The following MMRN1 variants were observed in gnomAD, a reference collection of about 807,000 sequenced individuals.
MMRN1 encodes the protein multimerin-1.
MMRN1 carries 94 observed loss-of-function variants against 100.7 expected under a neutral mutation model. The ratio of observed to expected loss-of-function variants is 0.93; its 90% CI spans 0.79 to 1.11. The LOEUF is 1.11. MMRN1 is among the 50% of genes least tolerant of loss of function. MMRN1 has a pLI of 0.00. For synonymous variants in MMRN1, 575 were observed against 505.0 expected, an observed-to-expected ratio of 1.14 and a Z score of -1.86; for missense variants, 1,606 against 1,439.1, an observed-to-expected ratio of 1.12 and a Z score of -1.88.
chr4:89,909,500 C>A, intron 2 of MMRN1, 105 bp downstream of exon 2: 2 of 1,380,848 alleles, frequency 1.4e-6, no homozygotes, highest in South Asian at 2.7e-5. Flanking sequence ...ATAGTAGGGT[C>A]AGGGGATGGT....
rs548307929 is a variant in MMRN1, at chr4:89,942,688, C to T, written c.3118+5890C>T. Among the ~76,000 whole-genome samples the T allele has an allele frequency of 2.0e-5, 3 of 151,996 alleles. No individual in the cohort carries two copies. In the South Asian group the frequency reaches 6.3e-4, roughly 32 times the overall value. On this transcript the variant is annotated intron_variant, in intron 6 of 7. Coordinates refer to ENST00000264790, the MANE Select transcript of MMRN1 (RefSeq NM_007351.3). ...TTTTAGGGGAAAATATCACATGAAA[C>T]TCCATTGATATCAATATTAATAAAT...
At position 89,953,464 on chromosome 4, in the gene MMRN1, T is replaced by C; in HGVS notation, c.*46T>C. The C allele has an allele frequency of 2.0e-6, 3 of 1,501,110 alleles. No individual in the cohort carries two copies. The highest frequency in any genetic ancestry group is 2.7e-6 in the Non-Finnish European group (3 of 1,121,110). 93.0% of individuals were successfully genotyped at this position (1,501,110 alleles called of 1,614,324 possible). A position where few individuals can be genotyped will look rare whatever the true frequency, so the allele number is the denominator to read the frequency against. On this transcript the variant is annotated 3_prime_UTR_variant, in exon 8 of 8. Coordinates refer to ENST00000264790, the MANE Select transcript of MMRN1 (RefSeq NM_007351.3). ...ATCACCTTTATTGAGAAACAGCCAG[T>C]GTTTTCATTTATCTTTGCTTGCACA...
chr4:89,938,188 TTTAAA>T, intron 6 of MMRN1, among the ~76,000 whole-genome samples: 1 of 151,960 alleles, frequency 6.6e-6, no homozygotes, highest in East Asian at 1.9e-4. Flanking sequence ...ATCTCTACTA[TTTAAA>T]TTAGTATATT....
rs746548235 is a variant in MMRN1 at position 89,909,381 on chromosome 4, A to G, written c.729A>G (p.Gly243=). The change falls in exon 2 of 8, where the codon GGA becomes GGG. Residue 243 remains glycine (G), a synonymous_variant. Coordinates refer to ENST00000264790, the MANE Select transcript of MMRN1 (RefSeq NM_007351.3). ...GGKGPCGWTG[G]SCPQRSQKIS... ...AAGGACCTTGTGGCTGGACCGGTGG[A>G]TCCTGTCCTCAGAGGTATGTAATAT... 6.2e-7 allele frequency: 1 copy of G among 1,609,382 alleles called. No homozygotes were observed. Among genetic ancestry groups the G allele is most frequent in the African/African-American group, 1.3e-5 (1 of 74,506 alleles).
chr4:89,901,092 T>C (rs752427269), intron 1 of MMRN1, among the ~76,000 whole-genome samples: 28 of 146,214 alleles, frequency 1.9e-4, no homozygotes, highest in Middle Eastern at 3.6e-3. Context: ...CTGAGAGAAT[T>C]GAGGTATGAA....
chr4:89,910,681 A>G (rs1721720523), intron 2 of MMRN1, among the ~76,000 whole-genome samples: 1 of 151,418 alleles, frequency 6.6e-6, no homozygotes, highest in South Asian at 2.1e-4. Flanking sequence ...TAACTATGAG[A>G]GTGCAGATAG....
At chr4:89,890,891 A>T (rs937136176), upstream of MMRN1, among the ~76,000 whole-genome samples, 11 of 151,944 alleles carry the variant, frequency 7.2e-5, no homozygotes, top group African/African-American at 2.7e-4. Flanking sequence ...TTTCCTGATA[A>T]ACTAATATGT....
At position 89,911,994 on chromosome 4, in the gene MMRN1, C is replaced by A. The variant is rs1338575660; in HGVS notation, c.794C>A (p.Thr265Asn). ...PVYRMQHKIV[T>N]SLDWRCCPGY... ...TATAGGATGCAACATAAAATTGTCACCTCATTGGATTGGAGGTGCTGTCCT... is the reference window on the plus strand; with the variant it reads ...TATAGGATGCAACATAAAATTGTCAACTCATTGGATTGGAGGTGCTGTCCT... Residue 265 changes from threonine (T) to asparagine (N), a missense_variant, in exon 3 of 8, where the codon ACC (threonine) becomes AAC (asparagine). By Grantham distance (65) the Thr-to-Asn change is moderately conservative. Coordinates refer to ENST00000264790, the MANE Select transcript of MMRN1 (RefSeq NM_007351.3). 6.2e-7 allele frequency: 1 copy of A among 1,604,326 alleles called. No homozygotes were observed. The highest frequency in any genetic ancestry group is 8.5e-7 in the Non-Finnish European group (1 of 1,174,328).
chr4:89,895,736 G>C (rs1212395684), intron 1 of MMRN1, 142 bp downstream of exon 1: 15 of 1,372,910 alleles, frequency 1.1e-5, no homozygotes, highest in Non-Finnish European at 1.4e-5. Context: ...ATTTCAGTTA[G>C]ATAAAGTTAT....
At chr4:89,946,479 T>C (rs1408958391) in intron 6 of MMRN1, among the ~76,000 whole-genome samples, 2 of 152,212 alleles carry the variant, frequency 1.3e-5, no homozygotes, top group Non-Finnish European at 2.9e-5. Context: ...GATAACATTA[T>C]ATGTAATAGA....
At chr4:89,898,003 T>C (rs1442134) in intron 1 of MMRN1, among the ~76,000 whole-genome samples, 75,978 of 151,906 alleles carry the variant, frequency 0.5, 19,146 homozygotes, top group Admixed American at 0.52. Context: ...GGGATTCTCT[T>C]ATTTGAGGTC....
intron 3 of MMRN1, among the ~76,000 whole-genome samples, chr4:89,920,157 G>C (rs1420988502): frequency 6.6e-6 from 1 of 152,120 alleles, no homozygotes; most frequent in Non-Finnish European, 1.5e-5. Context: ...CAGCTTGTCA[G>C]TTATTGGACT....
At position 89,949,934 on chromosome 4, in the gene MMRN1, T is replaced by C. The variant is rs558471842; in HGVS notation, c.3119-1671T>C. On this transcript the variant is annotated intron_variant, in intron 6 of 7. Transcript: ENST00000264790. ...AAATTAAAAATCATCAACAATCACC[T>C]GGTTTGAAATGAGTGGATGGTAAAC... is the stretch of plus-strand genomic sequence containing the variant. Among the ~76,000 whole-genome samples the C allele has an allele frequency of 2.0e-5, 3 of 152,320 alleles. No individual in the cohort carries two copies. The South Asian group carries it at 6.2e-4, about 32-fold the overall frequency.
Position 89,916,551 on chromosome 4 carries a change from T to C in MMRN1, c.850+4501T>C, listed in dbSNP as rs544460295. ...ACTATAAAATATGAAAAAAGCTTAA[T>C]TTTTCTCATTTTATATATATTATTT... On this transcript the variant is annotated intron_variant, in intron 3 of 7. Coordinates refer to ENST00000264790, the MANE Select transcript of MMRN1 (RefSeq NM_007351.3). Among the ~76,000 whole-genome samples, 3 of 151,822 alleles carry C rather than the reference T, an allele frequency of 2.0e-5. No individual in the cohort carries two copies. The East Asian group carries it at 5.8e-4, about 29-fold the overall frequency.
chr4:89,930,738 C>T (rs997302628), intron 5 of MMRN1, among the ~76,000 whole-genome samples: 2 of 151,854 alleles, frequency 1.3e-5, no homozygotes, highest in African/African-American at 2.4e-5. Context: ...CTCAATGATA[C>T]TTACATATTC....
At chr4:89,889,360 G>A (rs1042728017) in intron 1 of MMRN1, among the ~76,000 whole-genome samples, 5 of 152,128 alleles carry the variant, frequency 3.3e-5, no homozygotes, top group South Asian at 2.1e-4. Flanking sequence ...ACCAGAGGGC[G>A]TCGAGGGCCT....
intron 1 of MMRN1, 54 bp downstream of exon 1, chr4:89,895,648 T>A (rs80126664): frequency 0.021 from 30,958 of 1,498,328 alleles, 401 homozygotes; most frequent in Middle Eastern, 0.026. Context: ...GTCTAGAAGA[T>A]TGCAAGTGAA....
Position 89,936,738 on chromosome 4 carries a change from A to T in MMRN1, c.3058A>T (p.Asn1020Tyr). ...KINALKKPTV[N>Y]LTTVLIGRTQ... is the part of the protein sequence containing the mutation. ...TAACGCACTTAAGAAACCAACGGTAAATCTTACCACAGTCCTGATAGGCCG... is the reference window on the plus strand; with the variant it reads ...TAACGCACTTAAGAAACCAACGGTATATCTTACCACAGTCCTGATAGGCCG... The change falls in exon 6 of 8, where the codon AAT becomes TAT. Residue 1020 changes from asparagine to tyrosine, a missense_variant. Asn to Tyr is a moderately radical substitution (Grantham distance 143, BLOSUM62 -2). Coordinates refer to ENST00000264790, the MANE Select transcript of MMRN1 (RefSeq NM_007351.3). 1 of 1,613,164 alleles carries T rather than the reference A, an allele frequency of 6.2e-7. No individual in the cohort carries two copies. Among genetic ancestry groups the T allele is most frequent in the Non-Finnish European group, 8.5e-7 (1 of 1,179,514 alleles).
intron 3 of MMRN1, among the ~76,000 whole-genome samples, chr4:89,919,186 AAG>A (rs1722012555): frequency 6.6e-6 from 1 of 151,458 alleles, no homozygotes; most frequent in Admixed American, 6.6e-5. Flanking sequence ...TATTTTAAAA[AAG>A]AAATAATTTA....
Sources: allele counts gnomAD v4.1 joint callset (sites outside exome capture counted in the v4.1 genomes callset), GRCh38; gene constraint gnomAD v4.1.1; transcripts MANE v1.5; gene names NCBI Gene and HGNC (gene_info 2026-07-23, HGNC 2026-07-21).